CLEC4M: variants seen among roughly 807,000 people sequenced by gnomAD.
CLEC4M encodes CD209 antigen-like protein 1.
In CLEC4M, 25 loss-of-function variants were observed where a neutral mutation model predicts 39.1. The ratio of observed to expected loss-of-function variants is 0.64; its 90% CI spans 0.47 to 0.89. The LOEUF is 0.89. CLEC4M is among the 40% of genes least tolerant of loss of function. The probability of loss-of-function intolerance (pLI) is 0.00; values close to 1 mark genes in which losing one functional copy is unlikely to be tolerated. For synonymous variants in CLEC4M, 155 were observed against 177.4 expected (o/e 0.87, Z 1.00); for missense variants, 353 against 431.4 (o/e 0.82, Z 1.61).
Position 7,767,754 on chromosome 19 carries a change from C to A in CLEC4M, c.1049+126C>A. ...ATAGGACTAAGAGTCTGGGGTTTTACTGAGTTGAGGAAGGTGGTCTTCATA... is the reference window on the plus strand; with the variant it reads ...ATAGGACTAAGAGTCTGGGGTTTTAATGAGTTGAGGAAGGTGGTCTTCATA... On this transcript the variant is annotated intron_variant, in intron 6 of 6. Transcript: ENST00000327325. The A allele has an allele frequency of 4.0e-6, 3 of 756,898 alleles. 1 individual carries two copies. In the South Asian group the frequency reaches 5.1e-5, roughly 13 times the overall value. The allele number at this position is 756,898 out of a possible 1,614,324, so 46.9% of individuals were successfully genotyped here. A position where few individuals can be genotyped will look rare whatever the true frequency, so the allele number is the denominator to read the frequency against.
chr19:7,763,534 C>G (rs2034110326), intron 2 of CLEC4M, 58 bp downstream of exon 2: 2 of 1,448,106 alleles, frequency 1.4e-6, no homozygotes, highest in African/African-American at 2.8e-5. Context: ...CCCCTGGGTC[C>G]TGGGGAGGTA....
In CLEC4M at chr19:7,765,257, T is replaced by A. The variant is rs201606704; in HGVS notation, c.203T>A (p.Ile68Asn). Residue 68 changes from isoleucine to asparagine, a missense_variant, in exon 3 of 7, where the codon ATC (isoleucine) becomes AAC (asparagine). Transcript: ENST00000327325. The part of the protein sequence containing the change: ...FMLLAGVLVA[I>N]LVQVSKVPSS... ...CTCTTGGCTGGGGTCCTGGTGGCCA[T>A]CCTTGTCCAAGGTCAGGGGCAGGTT... The A allele has an allele frequency of 6.2e-7, 1 of 1,614,126 alleles. No homozygotes were observed. The highest frequency in any genetic ancestry group is 2.2e-5 in the East Asian group (1 of 44,886).
intron 3 of CLEC4M, 89 bp from the exon 4 acceptor site, chr19:7,765,549 C>G: frequency 1.3e-6 from 2 of 1,570,696 alleles, no homozygotes; most frequent in South Asian, 1.2e-5. Flanking sequence ...GACCTTGGCT[C>G]TCACAAATGA....
chr19:7,766,481 G>A (rs1158103531), intron 4 of CLEC4M, 175 bp from the exon 5 acceptor site: 9 of 1,463,132 alleles, frequency 6.2e-6, no homozygotes, highest in Non-Finnish European at 8.1e-6. Context: ...TTCTCCTGGG[G>A]ATCAGGGAGA....
chr19:7,766,184 T>C lies in CLEC4M; in HGVS notation c.761T>C (p.Leu254Pro). Residue 254 changes from leucine to proline, a missense_variant, in exon 4 of 7, where the codon CTG (leucine) becomes CCG (proline). By Grantham distance (98) the Leu-to-Pro change is moderately conservative. Around this residue, in one of 4 missense-constraint regions of CLEC4M, gnomAD observed 196 missense variants for 211.7 expected, o/e 0.93. Coordinates refer to ENST00000327325, the MANE Select transcript of CLEC4M (RefSeq NM_014257.5). ...AAGCAGCAGCAAATCTATCAAGAAC[T>C]GACCGATTTGAAGACTGCATTTGGT... ...QSKQQQIYQE[L>P]TDLKTAFERL... 6.2e-7 allele frequency: 1 copy of C among 1,614,198 alleles called. No individual in the cohort carries two copies. The highest frequency in any genetic ancestry group is 8.5e-7 in the Non-Finnish European group (1 of 1,180,018).
At chr19:7,763,853 C>G (rs561494174) in intron 2 of CLEC4M, among the ~76,000 whole-genome samples, 1 of 150,686 alleles carries the variant, frequency 6.6e-6, no homozygotes, top group Non-Finnish European at 1.5e-5. Context: ...GAACTGGGGA[C>G]TGGAATCCTG....
At position 7,764,558 on chromosome 19, in the gene CLEC4M, G is replaced by A. The variant is rs371165746; in HGVS notation, c.131-627G>A. 9.2e-5 allele frequency among the ~76,000 whole-genome samples: 14 copies of A among 151,560 alleles called. No homozygotes were observed. The East Asian group carries it at 1.9e-3, about 21-fold the overall frequency. ...GGCTGGAATGCAGTGGCGCCATCTC[G>A]GCTCACTGCAAGATCTGCCTCCCAG... On this transcript the variant is annotated intron_variant, in intron 2 of 6. Transcript: ENST00000327325.
At position 7,763,379 on chromosome 19, in the gene CLEC4M, G is replaced by A. The variant is rs376791054; in HGVS notation, c.47-14G>A. 18 of 1,613,600 alleles carry A rather than the reference G, an allele frequency of 1.1e-5. No homozygotes were observed. The African/African-American group carries it at 2.0e-4, about 18-fold the overall frequency. On this transcript the variant is annotated splice_polypyrimidine_tract_variant and intron_variant, in intron 1 of 6. Coordinates refer to ENST00000327325, the MANE Select transcript of CLEC4M (RefSeq NM_014257.5). ...GGGATGGCCCAGGCTCTGAGCTGATGTCTGTCAATTCAGAAGAAGATCCAA... is the reference window on the plus strand; with the variant it reads ...GGGATGGCCCAGGCTCTGAGCTGATATCTGTCAATTCAGAAGAAGATCCAA...
rs2146365578 is a variant in CLEC4M, at chr19:7,768,847, G to A, written c.1059G>A (p.Arg353=). The change falls in exon 7 of 7, where the codon CGG becomes CGA. Residue 353 remains arginine (R), a synonymous_variant. Transcript: ENST00000327325. The part of the protein sequence containing the change: ...DGSPLSPSFQ[R]YWNSGEPNNS... ...TGCATGGGCTTTGCAGCTTCCAGCGGTACTGGAACAGTGGAGAACCCAACA... is the reference window on the plus strand; with the variant it reads ...TGCATGGGCTTTGCAGCTTCCAGCGATACTGGAACAGTGGAGAACCCAACA... The A allele has an allele frequency of 6.2e-7, 1 of 1,614,070 alleles. No homozygotes were observed. Among genetic ancestry groups the A allele is most frequent in the South Asian group, 1.1e-5 (1 of 91,072 alleles).
intron 6 of CLEC4M, chr19:7,767,962 G>C (rs957248952): frequency 7.4e-5 from 15 of 202,046 alleles, no homozygotes; most frequent in African/African-American, 3.2e-4. Flanking sequence ...CTACCCACAG[G>C]TTCCTAGAGG....
intron 3 of CLEC4M, 105 bp downstream of exon 3, chr19:7,765,373 A>G: frequency 7.4e-7 from 1 of 1,351,216 alleles, no homozygotes; most frequent in Non-Finnish European, 1.0e-6. Flanking sequence ...CTGAGAGCCA[A>G]GATGTTGTCC....
At position 7,767,496 on chromosome 19, in the gene CLEC4M, A is replaced by T. The variant is rs1568206664; in HGVS notation, c.937-20A>T. 2 of 1,588,836 alleles carry T rather than the reference A, an allele frequency of 1.3e-6. No individual in the cohort carries two copies. The highest frequency in any genetic ancestry group is 2.2e-5 in the East Asian group (1 of 44,676). The stretch of plus-strand genomic sequence containing the variant: ...AAATGGGAAGCAGAGCTCCCTCCTG[A>T]CTCCTCCTCTACCCTCCAGAACTTC... On this transcript the variant is annotated intron_variant, in intron 5 of 6. Coordinates refer to ENST00000327325, the MANE Select transcript of CLEC4M (RefSeq NM_014257.5).
At chr19:7,768,571 G>A (rs1391125461) in intron 6 of CLEC4M, 8 of 278,198 alleles carry the variant, frequency 2.9e-5, no homozygotes, top group African/African-American at 1.1e-4. Flanking sequence ...GCGAGAATCT[G>A]TCTCAAAAAA....
In CLEC4M at chr19:7,763,491, G is replaced by A; in HGVS notation, c.130+15G>A. ...GAGCTCTACAGGTAGGCAAGAGTTAGGGAGCAGATAGTGGAAGACAGAGCC... is the reference window on the plus strand; with the variant it reads ...GAGCTCTACAGGTAGGCAAGAGTTAAGGAGCAGATAGTGGAAGACAGAGCC... On this transcript the variant is annotated intron_variant, in intron 2 of 6. Transcript: ENST00000327325. 1 of 1,609,998 alleles carries A rather than the reference G, an allele frequency of 6.2e-7. No homozygotes were observed. Among genetic ancestry groups the A allele is most frequent in the African/African-American group, 1.3e-5 (1 of 74,946 alleles).
chr19:7,767,212 T>G, intron 5 of CLEC4M: 1 of 435,632 alleles, frequency 2.3e-6, no homozygotes, highest in East Asian at 4.4e-5. Flanking sequence ...GTGGGTCCAA[T>G]GTGGCTCCAG....
At chr19:7,768,558 A>G in intron 6 of CLEC4M, 1 of 242,112 alleles carries the variant, frequency 4.1e-6, no homozygotes, top group Non-Finnish European at 8.2e-6. Context: ...GCCTGGCAAC[A>G]GAGCGAGAAT....
intron 2 of CLEC4M, among the ~76,000 whole-genome samples, chr19:7,764,047 G>A (rs906521679): frequency 6.6e-6 from 1 of 151,984 alleles, no homozygotes; most frequent in African/African-American, 2.4e-5. Context: ...GGACCTGGAT[G>A]CCTGAGTCCT....
At chr19:7,767,087 G>A (rs2034310673) in intron 5 of CLEC4M, 1 of 514,342 alleles carries the variant, frequency 1.9e-6, no homozygotes, top group Admixed American at 3.3e-5. Flanking sequence ...TTCCTGATGT[G>A]TTGTGTTTGC....
Position 7,766,784 on chromosome 19 carries a change from G to T in CLEC4M, c.913G>T (p.Val305Leu), listed in dbSNP as rs150860249. The change falls in exon 5 of 7, where the codon GTA becomes TTA. Residue 305 changes from valine to leucine, a missense_variant. Physicochemically the swap from Val to Leu is conservative, Grantham distance 32. Around this residue, in one of 4 missense-constraint regions of CLEC4M, gnomAD observed 196 missense variants for 211.7 expected, o/e 0.93. Transcript: ENST00000327325. ...ACQEVRAQLV[V>L]IKTAEEQNFL... is the part of the protein sequence containing the mutation. The stretch of plus-strand genomic sequence containing the variant: ...CCAGGAAGTGAGGGCCCAGCTCGTC[G>T]TAATCAAAACTGCTGAGGAGCAGGT... 5.0e-6 allele frequency: 8 copies of T among 1,614,172 alleles called. No individual in the cohort carries two copies. The highest frequency in any genetic ancestry group is 5.9e-6 in the Non-Finnish European group (7 of 1,180,036).
Sources: allele counts gnomAD v4.1 joint callset (sites outside exome capture counted in the v4.1 genomes callset), GRCh38; gene constraint gnomAD v4.1.1; regional missense constraint gnomAD v4.1.1; transcripts MANE v1.5; gene names NCBI Gene and HGNC (gene_info 2026-07-23, HGNC 2026-07-21).